Variants in PPA2 observed in about 807,000 individuals in gnomAD.
PPA2 encodes inorganic pyrophosphatase 2, also known as inorganic pyrophosphatase 2, mitochondrial.
PPA2 carries 48 observed loss-of-function variants against 49.5 expected under a neutral mutation model. That is an observed-to-expected ratio of 0.97 (90% CI 0.77 to 1.23). The LOEUF (loss-of-function observed/expected upper bound fraction) is 1.23. PPA2 is among the 50% of genes most tolerant of loss of function. The pLI is 0.00. For missense variants in PPA2, 429 were observed against 410.1 expected (o/e 1.05, Z -0.40); for synonymous variants, 131 against 139.9 (o/e 0.94, Z 0.45).
intron 7 of PPA2, among the ~76,000 whole-genome samples, chr4:105,419,350 T>A (rs1253543100): frequency 6.6e-6 from 1 of 152,062 alleles, no homozygotes; most frequent in African/African-American, 2.4e-5. Flanking sequence ...ATGTTCCCCA[T>A]CCTGTGTCCA....
At chr4:105,468,190 G>T (rs1472417989) in intron 1 of PPA2, among the ~76,000 whole-genome samples, 1 of 152,172 alleles carries the variant, frequency 6.6e-6, no homozygotes, top group Non-Finnish European at 1.5e-5. Flanking sequence ...GAGACTGAAT[G>T]GTTCGCAAAA....
intron 6 of PPA2, among the ~76,000 whole-genome samples, chr4:105,425,472 G>A (rs1401348459): frequency 1.3e-5 from 2 of 152,070 alleles, no homozygotes; most frequent in Non-Finnish European, 2.9e-5. Flanking sequence ...CATTGCCAAA[G>A]AGAAAATTAG....
chr4:105,395,813 G>A (rs1734116112), intron 9 of PPA2, among the ~76,000 whole-genome samples: 1 of 151,960 alleles, frequency 6.6e-6, no homozygotes. Flanking sequence ...TCCAAAAATG[G>A]GTGAATATAC....
At chr4:105,456,536 G>T (rs1016815959) in intron 2 of PPA2, 145 bp downstream of exon 2, 26 of 609,646 alleles carry the variant, frequency 4.3e-5, no homozygotes, top group Non-Finnish European at 7.3e-5. Context: ...AATTCATATA[G>T]GAGGCTTATG....
intron 7 of PPA2, among the ~76,000 whole-genome samples, chr4:105,409,564 C>T (rs1160137789): frequency 6.6e-6 from 1 of 152,250 alleles, no homozygotes; most frequent in Non-Finnish European, 1.5e-5. Flanking sequence ...CGTTTGAACT[C>T]TGAGAACAGA....
intron 7 of PPA2, among the ~76,000 whole-genome samples, chr4:105,421,093 A>C (rs1301096007): frequency 6.6e-6 from 1 of 152,226 alleles, no homozygotes; most frequent in Non-Finnish European, 1.5e-5. Flanking sequence ...TAAGTTCTAC[A>C]CTGGGCAGTT....
At chr4:105,383,463 T>TA (rs1560605579) in intron 10 of PPA2, among the ~76,000 whole-genome samples, 1 of 152,240 alleles carries the variant, frequency 6.6e-6, no homozygotes, top group Non-Finnish European at 1.5e-5. Flanking sequence ...GTCTCAATGT[T>TA]ACACTTAATT....
chr4:105,386,236 G>A (rs890620760), intron 10 of PPA2, among the ~76,000 whole-genome samples: 5 of 151,956 alleles, frequency 3.3e-5, no homozygotes, highest in African/African-American at 7.3e-5. Context: ...ATGTAGACAC[G>A]GACAGAGGAT....
At chr4:105,458,694 T>C (rs1210199454) in intron 1 of PPA2, among the ~76,000 whole-genome samples, 8 of 151,674 alleles carry the variant, frequency 5.3e-5, no homozygotes, top group Admixed American at 4.6e-4. Flanking sequence ...TGGTGGTGCA[T>C]GCCTGTAATC....
chr4:105,466,653 AAGGT>A (rs1723314540), intron 1 of PPA2, among the ~76,000 whole-genome samples: 1 of 152,208 alleles, frequency 6.6e-6, no homozygotes, highest in African/African-American at 2.4e-5. Context: ...AAAGGGAAGG[AAGGT>A]ACACTTGGAA....
chr4:105,470,865 G>A (rs1288211651), intron 1 of PPA2, among the ~76,000 whole-genome samples: 2 of 152,232 alleles, frequency 1.3e-5, no homozygotes, highest in African/African-American at 2.4e-5. Flanking sequence ...TGTCCAAGAC[G>A]GTAAAGTCAG....
At chr4:105,403,915 T>C (rs1578823676) in intron 7 of PPA2, among the ~76,000 whole-genome samples, 1 of 151,974 alleles carries the variant, frequency 6.6e-6, no homozygotes, top group East Asian at 1.9e-4. Flanking sequence ...TTTTTTTTTT[T>C]TGAATCCAAA....
chr4:105,448,859 AAAAAAACTCT>A (rs1308004785), intron 4 of PPA2, among the ~76,000 whole-genome samples: 1 of 152,156 alleles, frequency 6.6e-6, no homozygotes, highest in African/African-American at 2.4e-5. Context: ...CAAAATTGAA[AAAAAAACTCT>A]CTATAAAACT....
chr4:105,420,240 G>A (rs1723193500), intron 7 of PPA2, among the ~76,000 whole-genome samples: 1 of 152,072 alleles, frequency 6.6e-6, no homozygotes, highest in Non-Finnish European at 1.5e-5. Flanking sequence ...TTTTTCTAAA[G>A]ATAGTAGAAA....
At chr4:105,407,381 C>T (rs1181340457) in intron 7 of PPA2, among the ~76,000 whole-genome samples, 6 of 152,116 alleles carry the variant, frequency 3.9e-5, no homozygotes, top group African/African-American at 1.4e-4. Flanking sequence ...AACTGGATAC[C>T]TTGCTAGTAG....
intron 9 of PPA2, among the ~76,000 whole-genome samples, chr4:105,393,044 G>A (rs1365586960): frequency 6.6e-6 from 1 of 152,146 alleles, no homozygotes; most frequent in African/African-American, 2.4e-5. Context: ...AACAAAATGA[G>A]TAAAGGTCTA....
Position 105,400,851 on chromosome 4 carries a change from A to G in PPA2, c.656-1687T>C, listed in dbSNP as rs535913273. Among the ~76,000 whole-genome samples the G allele has an allele frequency of 3.3e-5, 5 of 152,312 alleles. No homozygotes were observed. In the South Asian group the frequency reaches 1.0e-3, roughly 32 times the overall value. On this transcript the variant is annotated intron_variant, in intron 7 of 11. Transcript: ENST00000341695. ...AAGTCATAAAGAGGACCCAATAAGC[A>G]AAGACACAAATTAGGAAAAAAACTG...
At chr4:105,396,227 C>T (rs1734137318) in intron 9 of PPA2, 22 bp downstream of exon 9, 1 of 1,446,730 alleles carries the variant, frequency 6.9e-7, no homozygotes, top group South Asian at 1.3e-5. Flanking sequence ...ACATTACTTA[C>T]ATAGAAAAGA....
intron 6 of PPA2, among the ~76,000 whole-genome samples, chr4:105,424,800 T>G (rs772119716): frequency 6.6e-6 from 1 of 152,166 alleles, no homozygotes; most frequent in Non-Finnish European, 1.5e-5. Flanking sequence ...CTGGAATTTG[T>G]AGGGCATGGT....
Sources: allele counts gnomAD v4.1 joint callset (sites outside exome capture counted in the v4.1 genomes callset), GRCh38; gene constraint gnomAD v4.1.1; transcripts MANE v1.5; gene names NCBI Gene and HGNC (gene_info 2026-07-23, HGNC 2026-07-21).